ZNF804B: variants seen among roughly 807,000 people sequenced by gnomAD.
The protein encoded by ZNF804B is zinc finger protein 804B, also known as zinc finger 804B.
Under a neutral mutation model 101.4 loss-of-function variants are expected in ZNF804B, and 80 were observed. That is an observed-to-expected ratio of 0.79 (90% CI 0.66 to 0.95). ZNF804B has a LOEUF of 0.95. Among genes scored for constraint, ZNF804B ranks in the 40% least tolerant of loss-of-function variants. The pLI is 0.00. For synonymous variants in ZNF804B, 622 were observed against 558.8 expected (o/e 1.11, Z -1.59); for missense variants, 1,673 against 1,561.9 (o/e 1.07, Z -1.20).
At chr7:89,267,635 C>T (rs1437900402) in intron 2 of ZNF804B, among the ~76,000 whole-genome samples, 1 of 152,122 alleles carries the variant, frequency 6.6e-6, no homozygotes, top group Non-Finnish European at 1.5e-5. Flanking sequence ...TTCTGGTTGT[C>T]CACAGTCAGT....
At chr7:89,053,165 TATAGTA>T (rs1357194189) in intron 1 of ZNF804B, among the ~76,000 whole-genome samples, 1 of 152,184 alleles carries the variant, frequency 6.6e-6, no homozygotes, top group Admixed American at 6.5e-5. Context: ...TTGTGATTTC[TATAGTA>T]AAGCTGTCAG....
intron 1 of ZNF804B, among the ~76,000 whole-genome samples, chr7:88,894,729 A>G (rs1026990039): frequency 2.0e-5 from 3 of 152,292 alleles, no homozygotes; most frequent in African/African-American, 7.2e-5. Flanking sequence ...CTTAAATGCT[A>G]TTGCTACAGG....
At chr7:89,107,998 C>T (rs1477333689) in intron 1 of ZNF804B, among the ~76,000 whole-genome samples, 1 of 152,048 alleles carries the variant, frequency 6.6e-6, no homozygotes, top group African/African-American at 2.4e-5. Flanking sequence ...AAGGAAATGT[C>T]TCAATCTCCT....
intron 2 of ZNF804B, among the ~76,000 whole-genome samples, chr7:89,300,790 T>C (rs892629390): frequency 2.0e-5 from 3 of 151,956 alleles, no homozygotes; most frequent in Admixed American, 6.6e-5. Flanking sequence ...TAATAAGCTT[T>C]AATCAGGCAA....
At chr7:89,135,876 T>C (rs1790627558) in intron 1 of ZNF804B, among the ~76,000 whole-genome samples, 1 of 152,122 alleles carries the variant, frequency 6.6e-6, no homozygotes, top group African/African-American at 2.4e-5. Context: ...GTTATTTTTA[T>C]ATTTCTAAAC....
In ZNF804B at chr7:89,218,197, G is replaced by A. The variant is rs1348833525; in HGVS notation, c.151G>A (p.Val51Ile). The A allele has an allele frequency of 6.2e-7, 1 of 1,613,824 alleles. No individual in the cohort carries two copies. The highest frequency in any genetic ancestry group is 1.7e-5 in the Admixed American group (1 of 60,000). The change falls in exon 2 of 4, where the codon GTA becomes ATA. Residue 51 changes from valine to isoleucine, a missense_variant. Coordinates refer to ENST00000333190, the MANE Select transcript of ZNF804B (RefSeq NM_181646.5). ...GTCCACAGCAAAGGCCCTGGAAGAT[G>A]TAAAGGCAAACTTTTACTGTGAATT... ...KKSTAKALED[V>I]KANFYCELCD...
At chr7:88,971,264 G>A (rs533815870) in intron 1 of ZNF804B, among the ~76,000 whole-genome samples, 2 of 151,524 alleles carry the variant, frequency 1.3e-5, no homozygotes, top group African/African-American at 2.4e-5. Flanking sequence ...TGGTTTGAAG[G>A]TCATTGCTGC....
intron 1 of ZNF804B, among the ~76,000 whole-genome samples, chr7:89,170,397 ACAAACTGCTTCTAGACCTCCCTGAGC>A (rs1428157198): frequency 2.6e-5 from 4 of 152,222 alleles, no homozygotes; most frequent in African/African-American, 4.8e-5. Flanking sequence ...AACACAAATG[ACAAACTGCTTCTAGACCTCCCTGAGC>A]ATGGGTAAAT....
At chr7:89,247,378 C>T (rs558612479) in intron 2 of ZNF804B, among the ~76,000 whole-genome samples, 7 of 152,232 alleles carry the variant, frequency 4.6e-5, no homozygotes, top group East Asian at 1.9e-4. Context: ...AGGTGTATAC[C>T]GAGCTGTGTT....
intron 1 of ZNF804B, among the ~76,000 whole-genome samples, chr7:89,051,039 C>A (rs1289142328): frequency 6.6e-6 from 1 of 151,818 alleles, no homozygotes; most frequent in Non-Finnish European, 1.5e-5. Context: ...AGATACTGAT[C>A]CTACTCATTC....
intron 1 of ZNF804B, among the ~76,000 whole-genome samples, chr7:89,033,050 A>G (rs1171335863): frequency 6.6e-6 from 1 of 151,296 alleles, no homozygotes; most frequent in African/African-American, 2.4e-5. Context: ...GGAAAAAAAA[A>G]AACCGTATCC....
intron 3 of ZNF804B, among the ~76,000 whole-genome samples, chr7:89,328,663 A>G (rs1790931907): frequency 6.6e-6 from 1 of 151,842 alleles, no homozygotes; most frequent in East Asian, 1.9e-4. Flanking sequence ...TTGTTAGGGT[A>G]GCATGCAGGA....
intron 1 of ZNF804B, among the ~76,000 whole-genome samples, chr7:88,979,795 A>G (rs771510224): frequency 2.0e-5 from 3 of 151,576 alleles, no homozygotes; most frequent in Non-Finnish European, 4.4e-5. Context: ...TTTTGAATGA[A>G]AGCTTTCTAT....
intron 2 of ZNF804B, among the ~76,000 whole-genome samples, chr7:89,309,174 T>C (rs778908688): frequency 3.9e-5 from 6 of 152,088 alleles, no homozygotes; most frequent in Non-Finnish European, 5.9e-5. Context: ...CAGTGTCTAT[T>C]GTTCCCATCT....
intron 1 of ZNF804B, among the ~76,000 whole-genome samples, chr7:89,010,200 C>T (rs2116190980): frequency 6.6e-6 from 1 of 151,790 alleles, no homozygotes; most frequent in African/African-American, 2.4e-5. Flanking sequence ...TTTCAAGTGA[C>T]ATTAACATTT....
intron 1 of ZNF804B, among the ~76,000 whole-genome samples, chr7:89,059,951 A>G (rs1049096865): frequency 2.8e-4 from 43 of 151,978 alleles, no homozygotes; most frequent in African/African-American, 8.9e-4. Flanking sequence ...TTTCTTTGAG[A>G]CATTCTTCTG....
chr7:89,179,174 C>A (rs1328404750), intron 1 of ZNF804B, among the ~76,000 whole-genome samples: 2 of 151,986 alleles, frequency 1.3e-5, no homozygotes, highest in Non-Finnish European at 1.5e-5. Flanking sequence ...TATTTAATAA[C>A]CTTCTTGTAC....
At chr7:89,019,794 G>A (rs1788633878) in intron 1 of ZNF804B, among the ~76,000 whole-genome samples, 1 of 151,614 alleles carries the variant, frequency 6.6e-6, no homozygotes, top group Non-Finnish European at 1.5e-5. Flanking sequence ...CTCTTCTTTG[G>A]TTTCTATTTG....
chr7:88,946,592 G>T (rs1404182891), intron 1 of ZNF804B, among the ~76,000 whole-genome samples: 3 of 147,330 alleles, frequency 2.0e-5, no homozygotes, highest in African/African-American at 7.5e-5. Flanking sequence ...GCTAGGTTTT[G>T]GTATCAGGAT....
Sources: allele counts gnomAD v4.1 joint callset (sites outside exome capture counted in the v4.1 genomes callset), GRCh38; gene constraint gnomAD v4.1.1; transcripts MANE v1.5; gene names NCBI Gene and HGNC (gene_info 2026-07-23, HGNC 2026-07-21).